Variants in PARD3B observed in about 807,000 individuals in gnomAD.
PARD3B encodes partitioning defective 3 homolog B.
Under a neutral mutation model 130.2 loss-of-function variants are expected in PARD3B, and 103 were observed. The ratio of observed to expected loss-of-function variants is 0.79; its 90% CI spans 0.67 to 0.93. The LOEUF is 0.93. Among genes scored for constraint, PARD3B ranks in the 40% least tolerant of loss-of-function variants. The pLI, the probability that PARD3B is intolerant of heterozygous loss-of-function variation, is 0.00. For missense variants in PARD3B, 1,609 were observed against 1,499.2 expected (o/e 1.07, Z -1.21); for synonymous variants, 583 against 553.2 (o/e 1.05, Z -0.76).
At chr2:205,450,961 G>A (rs1376848503) in intron 20 of PARD3B, among the ~76,000 whole-genome samples, 1 of 152,174 alleles carries the variant, frequency 6.6e-6, no homozygotes, top group African/African-American at 2.4e-5. Context: ...TTCTGAGTCA[G>A]GCTTAACAAT....
At chr2:204,953,449 A>AGAGAGAGAGG (rs1553566394) in intron 2 of PARD3B, among the ~76,000 whole-genome samples, 2,991 of 149,992 alleles carry the variant, frequency 0.02, 55 homozygotes, top group Non-Finnish European at 0.03. Flanking sequence ...AGAGAGAGAG[A>AGAGAGAGAGG]GAGAGAGAGA....
chr2:205,308,619 ACC>A lies in PARD3B; in HGVS notation c.2630+6919_2630+6920del, dbSNP rs1491178601. ...GACTCCGTCTCAAAAAAAAAAAAAA[ACC>A]AAACAACAAAACAAAACCCCAAGAC... On this transcript the variant is annotated intron_variant, in intron 18 of 22. Coordinates refer to ENST00000406610, the MANE Select transcript of PARD3B (RefSeq NM_001302769.2). 7.1e-3 allele frequency among the ~76,000 whole-genome samples: 1,049 copies of A among 148,330 alleles called. 23 individuals are homozygous for A. The highest frequency in any genetic ancestry group is 0.015 in the Middle Eastern group (4 of 268).
intron 21 of PARD3B, among the ~76,000 whole-genome samples, chr2:205,541,397 G>A (rs1393279468): frequency 1.4e-5 from 2 of 146,946 alleles, no homozygotes; most frequent in South Asian, 2.1e-4. Flanking sequence ...TGCCCAGGCT[G>A]GAATGCAATG....
At chr2:205,198,404 T>G (rs1389988469) in intron 15 of PARD3B, among the ~76,000 whole-genome samples, 5 of 152,228 alleles carry the variant, frequency 3.3e-5, no homozygotes, top group African/African-American at 7.2e-5. Flanking sequence ...AGAAAGAGCA[T>G]GTGTCCTGAA....
At chr2:205,337,222 G>C (rs886390269) in intron 18 of PARD3B, among the ~76,000 whole-genome samples, 4 of 152,144 alleles carry the variant, frequency 2.6e-5, no homozygotes, top group Non-Finnish European at 5.9e-5. Context: ...ATGCCTAGTT[G>C]AAAGATATTT....
chr2:205,319,818 G>T (rs1001976967), intron 18 of PARD3B, among the ~76,000 whole-genome samples: 2 of 152,118 alleles, frequency 1.3e-5, no homozygotes, highest in African/African-American at 4.8e-5. Context: ...AGGCTCATGT[G>T]ACATTCAAAT....
At chr2:205,582,579 T>C (rs1456560768) in intron 22 of PARD3B, among the ~76,000 whole-genome samples, 3 of 152,168 alleles carry the variant, frequency 2.0e-5, no homozygotes, top group South Asian at 2.1e-4. Context: ...TTTTTTAAAT[T>C]CTCTAGACTA....
chr2:205,413,067 A>G (rs145935264), intron 19 of PARD3B, among the ~76,000 whole-genome samples: 42 of 152,350 alleles, frequency 2.8e-4, no homozygotes, highest in African/African-American at 9.1e-4. Context: ...GAACATGAGT[A>G]TCAAACTGTT....
chr2:204,949,484 AT>A (rs918942898), intron 2 of PARD3B, among the ~76,000 whole-genome samples: 3 of 151,176 alleles, frequency 2.0e-5, no homozygotes, highest in Non-Finnish European at 3.0e-5. Context: ...CACCTGGCTA[AT>A]TTTTTTTTAA....
chr2:204,641,539 A>T (rs1215050047), intron 1 of PARD3B, among the ~76,000 whole-genome samples: 1 of 152,150 alleles, frequency 6.6e-6, no homozygotes, highest in Non-Finnish European at 1.5e-5. Context: ...AAAAACTGGA[A>T]TGAAGTAGTA....
chr2:205,568,026 T>TA lies in PARD3B; in HGVS notation c.3260+14624dup, dbSNP rs2053422878. 6.6e-6 allele frequency among the ~76,000 whole-genome samples: 1 copy of TA among 152,172 alleles called. No homozygotes were observed. The highest frequency in any genetic ancestry group is 1.5e-5 in the Non-Finnish European group (1 of 68,026). On this transcript the variant is annotated intron_variant, in intron 22 of 22. Coordinates refer to ENST00000406610, the MANE Select transcript of PARD3B (RefSeq NM_001302769.2). This position sits in a 1 kb window ranked among gnomAD's most constrained non-coding sequence, Gnocchi z 5.3. ...CATTGGTTAAGAGTTGTTCCTAAGATATCAACTCCCCAGCACTTCTTCCTG... is the reference window on the plus strand; with the variant it reads ...CATTGGTTAAGAGTTGTTCCTAAGATAATCAACTCCCCAGCACTTCTTCCTG...
intron 15 of PARD3B, among the ~76,000 whole-genome samples, chr2:205,205,936 G>C (rs1438826800): frequency 6.6e-6 from 1 of 152,102 alleles, no homozygotes; most frequent in Non-Finnish European, 1.5e-5. Context: ...GCCAGGCTTT[G>C]GTATCAGGAT....
At chr2:205,511,027 G>T (rs1390075197) in intron 21 of PARD3B, among the ~76,000 whole-genome samples, 1 of 152,182 alleles carries the variant, frequency 6.6e-6, no homozygotes, top group Admixed American at 6.5e-5. Context: ...CCTATGGCTG[G>T]TGTTGAGATA....
chr2:204,938,805 G>T (rs911958628), intron 2 of PARD3B, among the ~76,000 whole-genome samples: 1 of 152,160 alleles, frequency 6.6e-6, no homozygotes, highest in Non-Finnish European at 1.5e-5. Context: ...CCACAGAAAG[G>T]CAGAGATGAT....
chr2:205,504,497 G>C (rs888750642), intron 21 of PARD3B, among the ~76,000 whole-genome samples: 1 of 152,148 alleles, frequency 6.6e-6, no homozygotes, highest in African/African-American at 2.4e-5. Context: ...CTACTCATCT[G>C]ACAAAGAGCT....
At chr2:205,275,455 C>T (rs2040902225) in intron 16 of PARD3B, among the ~76,000 whole-genome samples, 1 of 152,068 alleles carries the variant, frequency 6.6e-6, no homozygotes, top group South Asian at 2.1e-4. Flanking sequence ...TTGATAATGA[C>T]TTCATAATAG....
chr2:205,123,857 G>C (rs1194524434), intron 8 of PARD3B, among the ~76,000 whole-genome samples: 1 of 151,978 alleles, frequency 6.6e-6, no homozygotes, highest in Non-Finnish European at 1.5e-5. Context: ...AGGAGAACAG[G>C]ACAGGAACAA....
At chr2:205,552,672 A>G (rs2052701753) in intron 21 of PARD3B, among the ~76,000 whole-genome samples, 1 of 152,094 alleles carries the variant, frequency 6.6e-6, no homozygotes, top group African/African-American at 2.4e-5. Context: ...TGACCTCCGA[A>G]CAAAGTGCTG....
chr2:205,575,778 A>G lies in PARD3B; in HGVS notation c.3260+22375A>G, dbSNP rs140254717. Among the ~76,000 whole-genome samples, 4 of 152,282 alleles carry G rather than the reference A, an allele frequency of 2.6e-5. No homozygotes were observed. Among genetic ancestry groups the G allele is most frequent in the Non-Finnish European group, 4.4e-5 (3 of 68,008 alleles). On this transcript the variant is annotated intron_variant, in intron 22 of 22. Transcript: ENST00000406610. This position sits in a 1 kb window ranked among gnomAD's most constrained non-coding sequence, Gnocchi z 4.6. Reference sequence around the variant, plus strand: ...CACAGTTGATTCATTCACTTACTAAAGGACATCTTGGTTGCCTCCAGGTTT... The same window carrying G: ...CACAGTTGATTCATTCACTTACTAAGGGACATCTTGGTTGCCTCCAGGTTT...
Sources: gnomAD v4.1 joint callset for allele counts (sites outside exome capture counted in the v4.1 genomes callset) on GRCh38, gnomAD v4.1.1 for gene constraint, Gnocchi (gnomAD v3.1) non-coding constraint, MANE v1.5 for transcripts, NCBI Gene and HGNC (gene_info 2026-07-23, HGNC 2026-07-21) for gene names.